Variants in LMF1 observed in about 807,000 individuals in gnomAD.
LMF1 encodes the protein lipase maturation factor 1.
A neutral mutation model predicts 60.6 loss-of-function variants in LMF1; 68 were observed. The ratio of observed to expected loss-of-function variants is 1.12; its 90% CI spans 0.92 to 1.37. LMF1 has a LOEUF of 1.37. Among genes scored for constraint, LMF1 ranks in the 40% most tolerant of loss-of-function variants. LMF1 has a pLI of 0.00. For missense variants in LMF1, 948 were observed against 767.2 expected (o/e 1.24, Z -2.78); for synonymous variants, 418 against 324.7 (o/e 1.29, Z -3.09).
intron 5 of LMF1, among the ~76,000 whole-genome samples, chr16:891,833 C>T (rs1567193148): frequency 1.3e-5 from 2 of 152,240 alleles, no homozygotes. Flanking sequence ...GAAAGCCTCT[C>T]ACACACGTGT....
chr16:898,072 A>T (rs563269522), intron 4 of LMF1, among the ~76,000 whole-genome samples: 1 of 152,198 alleles, frequency 6.6e-6, no homozygotes, highest in East Asian at 1.9e-4. Context: ...CTGAGCATCA[A>T]AGTGAGGTGG....
chr16:894,314 T>TCCACCCCCCCGTCCCCCTGTCCAGCGGAC (rs1476257620), intron 4 of LMF1, among the ~76,000 whole-genome samples: 2 of 35,826 alleles, frequency 5.6e-5, no homozygotes, highest in African/African-American at 1.3e-4. Context: ...GTCCACCGGA[T>TCCACCCCCCCGTCCCCCTGTCCAGCGGAC]CGTCCACCCA....
At chr16:933,549 C>G (rs546165433) in intron 3 of LMF1, 1 of 176,108 alleles carries the variant, frequency 5.7e-6, no homozygotes, top group Non-Finnish European at 1.2e-5. Flanking sequence ...AGCCTGAGTG[C>G]GAGGCCCAGG....
chr16:911,131 CAAAG>C, intron 3 of LMF1, 52 bp from the exon 4 acceptor site: 1 of 1,571,316 alleles, frequency 6.4e-7, no homozygotes, highest in South Asian at 1.2e-5. Flanking sequence ...ACACATTTCA[CAAAG>C]AAATCATTTC....
chr16:880,584 C>A (rs766156201), intron 5 of LMF1, among the ~76,000 whole-genome samples: 2 of 152,222 alleles, frequency 1.3e-5, no homozygotes, highest in South Asian at 2.1e-4. Context: ...TCAGGAGGAT[C>A]GCCTGAACCC....
chr16:891,886 A>T (rs927043931), intron 5 of LMF1, among the ~76,000 whole-genome samples: 1 of 134,964 alleles, frequency 7.4e-6, no homozygotes, highest in Admixed American at 7.8e-5. Flanking sequence ...GGGACCATCC[A>T]GCCAAAGAGC....
chr16:915,787 G>A (rs569334391), intron 3 of LMF1, among the ~76,000 whole-genome samples: 201 of 152,274 alleles, frequency 1.3e-3, no homozygotes, highest in Middle Eastern at 3.4e-3. Flanking sequence ...GGGCGACTGC[G>A]GTGCCTCAGG....
chr16:926,426 T>C (rs2071605630), intron 3 of LMF1, among the ~76,000 whole-genome samples: 2 of 152,264 alleles, frequency 1.3e-5, no homozygotes, highest in Admixed American at 1.3e-4. Context: ...CATCTGTGTA[T>C]GTCCATGTGT....
upstream of LMF1, chr16:971,038 T>G: frequency 3.8e-6 from 3 of 784,372 alleles, no homozygotes; most frequent in South Asian, 3.1e-5. Context: ...CCGCCCATTC[T>G]CGGAGGCCCC....
At chr16:973,901 T>A (rs2073089468), upstream of LMF1, among the ~76,000 whole-genome samples, 1 of 151,400 alleles carries the variant, frequency 6.6e-6, no homozygotes, top group Non-Finnish European at 1.5e-5. Context: ...TCCCAGCTAC[T>A]CGGGAGGCTG....
At chr16:935,897 C>A (rs189116383) in intron 2 of LMF1, among the ~76,000 whole-genome samples, 1 of 150,930 alleles carries the variant, frequency 6.6e-6, no homozygotes, top group Non-Finnish European at 1.5e-5. Flanking sequence ...ACATCTGAGC[C>A]GTGGGGGAGG....
intron 2 of LMF1, among the ~76,000 whole-genome samples, chr16:941,249 C>T (rs4984615): frequency 4.0e-5 from 6 of 151,030 alleles, no homozygotes; most frequent in South Asian, 4.2e-4. Flanking sequence ...TTTTTTTTTG[C>T]GACAGAGTCT....
chr16:856,876 A>G (rs1596821193), intron 10 of LMF1, among the ~76,000 whole-genome samples: 2 of 152,246 alleles, frequency 1.3e-5, no homozygotes, highest in East Asian at 1.9e-4. Context: ...TTGCACAGCT[A>G]TAGTAGGGAT....
intron 2 of LMF1, among the ~76,000 whole-genome samples, chr16:950,625 C>T (rs140533174): frequency 0.068 from 8,958 of 131,502 alleles, 333 homozygotes; most frequent in African/African-American, 0.08. Flanking sequence ...TTAGAGACAA[C>T]GACAGAGTCA....
upstream of LMF1, among the ~76,000 whole-genome samples, chr16:975,326 T>G (rs1206216473): frequency 6.6e-6 from 1 of 152,194 alleles, no homozygotes; most frequent in Non-Finnish European, 1.5e-5. Flanking sequence ...TGTGTAATTT[T>G]TTTTTTTTCT....
At chr16:930,061 G>A (rs1358539496) in intron 3 of LMF1, among the ~76,000 whole-genome samples, 1 of 147,226 alleles carries the variant, frequency 6.8e-6, no homozygotes, top group Non-Finnish European at 1.5e-5. Context: ...CAGAGCCCAG[G>A]ACAGCAGTGG....
intron 3 of LMF1, among the ~76,000 whole-genome samples, chr16:914,453 C>G (rs531581191): frequency 1.3e-5 from 2 of 151,198 alleles, no homozygotes; most frequent in African/African-American, 4.9e-5. Flanking sequence ...GGGCCCTGAG[C>G]CCCGTGATCG....
rs114354808 is a variant in LMF1 at position 869,870 on chromosome 16, G to A, written c.1416+13C>T. On this transcript the variant is annotated intron_variant, in intron 9 of 10. Transcript: ENST00000262301. ...CAGGCAGGTCCATGCGCCCGCCAGG[G>A]ACCGTCCCCCACCTGGAAGGCCGCG... 2,177 of 1,608,304 alleles carry A rather than the reference G, an allele frequency of 1.4e-3. 21 individuals carry two copies. The African/African-American group carries it at 0.026, about 19-fold the overall frequency.
intron 10 of LMF1, among the ~76,000 whole-genome samples, chr16:860,568 T>C (rs2069431808): frequency 6.6e-6 from 1 of 152,150 alleles, no homozygotes; most frequent in Non-Finnish European, 1.5e-5. Flanking sequence ...CTCAAACTCC[T>C]GAGGTCAAGC....
Sources: allele counts gnomAD v4.1 joint callset (sites outside exome capture counted in the v4.1 genomes callset), GRCh38; gene constraint gnomAD v4.1.1; transcripts MANE v1.5; gene names NCBI Gene and HGNC (gene_info 2026-07-23, HGNC 2026-07-21).